NWD1: variants seen among roughly 807,000 people sequenced by gnomAD.
NWD1 encodes the protein NACHT domain- and WD repeat-containing protein 1.
NWD1 carries 129 observed loss-of-function variants against 135.1 expected under a neutral mutation model. That is an observed-to-expected ratio of 0.96 (90% CI 0.83 to 1.11). NWD1 has a LOEUF of 1.11. NWD1 is among the 50% of genes least tolerant of loss of function. The probability of loss-of-function intolerance (pLI) is 0.00; values close to 1 mark genes in which losing one functional copy is unlikely to be tolerated. For synonymous variants in NWD1, 773 were observed against 786.0 expected, an observed-to-expected ratio of 0.98 and a Z score of 0.28; for missense variants, 1,740 against 1,851.3, an observed-to-expected ratio of 0.94 and a Z score of 1.10.
At chr19:16,803,225 C>T (rs1329580916) in intron 17 of NWD1, among the ~76,000 whole-genome samples, 3 of 152,120 alleles carry the variant, frequency 2.0e-5, no homozygotes, top group Non-Finnish European at 4.4e-5. Context: ...TGGCCTCGGC[C>T]TTGACCTGTG....
chr19:16,799,680 G>C (rs974697569), intron 16 of NWD1, among the ~76,000 whole-genome samples: 2 of 151,700 alleles, frequency 1.3e-5, no homozygotes, highest in Non-Finnish European at 2.9e-5. Context: ...CTAATTTTTT[G>C]TATTTTTATT....
chr19:16,757,900 A>C (rs1478437997), intron 6 of NWD1, among the ~76,000 whole-genome samples: 1 of 152,064 alleles, frequency 6.6e-6, no homozygotes, highest in Non-Finnish European at 1.5e-5. Flanking sequence ...AAAAATACAA[A>C]AATTAGCCGG....
chr19:16,803,284 C>T (rs1005299533), intron 17 of NWD1, among the ~76,000 whole-genome samples: 1 of 151,938 alleles, frequency 6.6e-6, no homozygotes, highest in African/African-American at 2.4e-5. Context: ...ACAGCCAAAC[C>T]ATCTCAGTTA....
At chr19:16,731,944 C>T (rs1031474307) in intron 3 of NWD1, among the ~76,000 whole-genome samples, 10 of 151,732 alleles carry the variant, frequency 6.6e-5, no homozygotes, top group African/African-American at 2.4e-4. Context: ...GGACTGGGCG[C>T]GGTGGCTGAC....
At chr19:16,796,337 C>G (rs1164927996) in intron 15 of NWD1, among the ~76,000 whole-genome samples, 3 of 152,090 alleles carry the variant, frequency 2.0e-5, no homozygotes, top group Admixed American at 2.0e-4. Context: ...TGGCAGGCGC[C>G]TGTAATCCCA....
intron 2 of NWD1, among the ~76,000 whole-genome samples, chr19:16,729,792 C>G (rs543658502): frequency 6.6e-6 from 1 of 151,582 alleles, no homozygotes; most frequent in South Asian, 2.1e-4. Flanking sequence ...TCCCTTGAAT[C>G]TGGTAGGCGG....
At chr19:16,795,674 C>A (rs928297808) in intron 15 of NWD1, among the ~76,000 whole-genome samples, 1 of 152,084 alleles carries the variant, frequency 6.6e-6, no homozygotes, top group Non-Finnish European at 1.5e-5. Context: ...GCGTCTGCCT[C>A]CCAAAGTGCT....
chr19:16,763,177 T>C (rs965214940), intron 8 of NWD1, among the ~76,000 whole-genome samples: 24 of 151,968 alleles, frequency 1.6e-4, no homozygotes, highest in Non-Finnish European at 3.4e-4. Context: ...CTCAGCTTCA[T>C]CCTGCCTCTC....
Position 16,789,055 on chromosome 19 carries a change from C to T in NWD1, c.2805C>T (p.His935=). The change falls in exon 13 of 19, where the codon CAC becomes CAT. Residue 935 remains histidine, a synonymous_variant. Transcript: ENST00000524140. ...CTGCTTCAAAGGATTACACGCTGCACTTGTGGAACTTACTCTCTGGCCAGG... is the reference window on the plus strand; with the variant it reads ...CTGCTTCAAAGGATTACACGCTGCATTTGTGGAACTTACTCTCTGGCCAGG... ...ANSASKDYTL[H]LWNLLSGQEK... The T allele has an allele frequency of 3.1e-6, 5 of 1,613,436 alleles. No individual in the cohort carries two copies. The highest frequency in any genetic ancestry group is 4.2e-6 in the Non-Finnish European group (5 of 1,179,768).
At position 16,745,247 on chromosome 19, in the gene NWD1, T is replaced by C. The variant is rs370567653; in HGVS notation, c.496+529T>C. 14 of 335,522 alleles carry C rather than the reference T, an allele frequency of 4.2e-5. No homozygotes were observed. In the East Asian group the frequency reaches 6.0e-4, roughly 14 times the overall value. 20.8% of individuals were successfully genotyped at this position (335,522 alleles called of 1,614,324 possible). A position where few individuals can be genotyped will look rare whatever the true frequency, so the allele number is the denominator to read the frequency against. ...ACCACGAGAACAGTATGGGGGAAAC[T>C]ATCCCCCATGATTCAATTATCTCCC... is the stretch of plus-strand genomic sequence containing the variant. On this transcript the variant is annotated intron_variant, in intron 5 of 18. Coordinates refer to ENST00000524140, the MANE Select transcript of NWD1 (RefSeq NM_001007525.5).
At chr19:16,770,701 G>A (rs190367981) in intron 10 of NWD1, among the ~76,000 whole-genome samples, 2 of 152,192 alleles carry the variant, frequency 1.3e-5, no homozygotes, top group African/African-American at 4.8e-5. Context: ...GGAAGAGTAC[G>A]CGCATCAGTT....
chr19:16,796,399 T>C (rs971811974), intron 15 of NWD1, among the ~76,000 whole-genome samples: 9 of 152,094 alleles, frequency 5.9e-5, no homozygotes, highest in African/African-American at 2.2e-4. Flanking sequence ...GAGGTGAAGA[T>C]TGCAGTGAGC....
At chr19:16,721,171 A>G (rs1599409134) in intron 1 of NWD1, among the ~76,000 whole-genome samples, 1 of 151,748 alleles carries the variant, frequency 6.6e-6, no homozygotes, top group Non-Finnish European at 1.5e-5. Flanking sequence ...TTTAATTGTG[A>G]CGACTTTGGT....
At chr19:16,776,941 GAA>G (rs112284735) in intron 11 of NWD1, among the ~76,000 whole-genome samples, 2 of 96,730 alleles carry the variant, frequency 2.1e-5, no homozygotes, top group African/African-American at 4.4e-5. Flanking sequence ...GACCCTATCT[GAA>G]AAAAAAAAAG....
chr19:16,795,505 C>T (rs1428021648), intron 15 of NWD1, among the ~76,000 whole-genome samples: 1 of 151,672 alleles, frequency 6.6e-6, no homozygotes. Flanking sequence ...CAACCTCCAC[C>T]TCCCGGGTTC....
In NWD1 at chr19:16,744,556, G is replaced by T. The variant is rs531841943; in HGVS notation, c.334G>T (p.Glu112Ter). 6.5e-7 allele frequency: 1 copy of T among 1,535,706 alleles called. No homozygotes were observed. Among genetic ancestry groups the T allele is most frequent in the Admixed American group, 2.0e-5 (1 of 50,936 alleles). The part of the protein sequence containing the change: ...ELVARYFQRD[E>*]NAFPPTYVLQ... ...GGTGGCACGATACTTCCAGAGGGACGAGAATGCGTTTCCTCCCACCTACGT... is the reference window on the plus strand; with the variant it reads ...GGTGGCACGATACTTCCAGAGGGACTAGAATGCGTTTCCTCCCACCTACGT... Residue 112 changes from glutamate (E) to a stop codon, truncating the protein, a stop_gained, in exon 5 of 19, where the codon GAG becomes TAG. Coordinates refer to ENST00000524140, the MANE Select transcript of NWD1 (RefSeq NM_001007525.5). LOFTEE classifies it high-confidence loss of function.
intron 7 of NWD1, 25 bp downstream of exon 7, chr19:16,759,453 G>A: frequency 6.6e-7 from 1 of 1,520,916 alleles, no homozygotes; most frequent in South Asian, 1.2e-5. Flanking sequence ...CAGTGGCAGC[G>A]ACACTGTCTG....
At chr19:16,784,325 T>C (rs1599526987) in intron 12 of NWD1, among the ~76,000 whole-genome samples, 1 of 152,032 alleles carries the variant, frequency 6.6e-6, no homozygotes, top group East Asian at 1.9e-4. Flanking sequence ...GTGATTGCAT[T>C]ACTATGCTCC....
chr19:16,805,295 G>A (rs1023467667), intron 17 of NWD1, among the ~76,000 whole-genome samples: 1 of 152,034 alleles, frequency 6.6e-6, no homozygotes, highest in Non-Finnish European at 1.5e-5. Context: ...CTGACCTCAA[G>A]TGATCCACCT....
Sources: allele counts gnomAD v4.1 joint callset (sites outside exome capture counted in the v4.1 genomes callset), GRCh38; gene constraint gnomAD v4.1.1; transcripts MANE v1.5; gene names NCBI Gene and HGNC (gene_info 2026-07-23, HGNC 2026-07-21).